Variants in TRPM7 observed in about 807,000 individuals in gnomAD.
The protein encoded by TRPM7 is LTRPC ion channel family member 7.
In TRPM7, 134 loss-of-function variants were observed where a neutral mutation model predicts 229.7. That is an observed-to-expected ratio of 0.58 (90% CI 0.51 to 0.67). The LOEUF (loss-of-function observed/expected upper bound fraction) is 0.67, where lower values mean the gene tolerates loss of function less well. Ranked by LOEUF, TRPM7 falls within the 30% of genes least tolerant of loss-of-function variation. TRPM7 has a pLI of 0.00. For synonymous variants in TRPM7, 699 were observed against 715.2 expected (o/e 0.98, Z 0.36); for missense variants, 1,901 against 2,210.0 (o/e 0.86, Z 2.80).
Position 50,627,535 on chromosome 15 carries a change from G to A in TRPM7, c.1305+614C>T, listed in dbSNP as rs78466861. On this transcript the variant is annotated intron_variant, in intron 11 of 38. Coordinates refer to ENST00000646667, the MANE Select transcript of TRPM7 (RefSeq NM_017672.6). ...ATAAAAAAGAGCAAAGAGGATAGTA[G>A]TAGCATGTAAGGCTCTGGGTTATGC... is the stretch of plus-strand genomic sequence containing the variant. Among the ~76,000 whole-genome samples, 721 of 152,282 alleles carry A rather than the reference G, an allele frequency of 4.7e-3. 5 individuals are homozygous for A. Among genetic ancestry groups the A allele is most frequent in the African/African-American group, 0.017 (697 of 41,556 alleles).
At chr15:50,570,641 G>A (rs1025206140) in intron 36 of TRPM7, among the ~76,000 whole-genome samples, 6 of 143,746 alleles carry the variant, frequency 4.2e-5, no homozygotes, top group African/African-American at 1.3e-4. Context: ...TCAGGAGTTC[G>A]AGACCAGCCT....
intron 20 of TRPM7, 47 bp from the exon 21 acceptor site, chr15:50,605,191 A>G: frequency 7.1e-7 from 1 of 1,409,458 alleles, no homozygotes; most frequent in Non-Finnish European, 9.6e-7. Flanking sequence ...GTTTATTCCT[A>G]TTAAAACACA....
chr15:50,660,483 G>C (rs765853480), intron 2 of TRPM7, among the ~76,000 whole-genome samples: 4 of 151,966 alleles, frequency 2.6e-5, no homozygotes, highest in Non-Finnish European at 5.9e-5. Flanking sequence ...TGAAACCCCT[G>C]TCTCTACTAA....
At chr15:50,581,030 A>G (rs1340480588) in intron 29 of TRPM7, 122 bp from the exon 30 acceptor site, 3 of 788,044 alleles carry the variant, frequency 3.8e-6, no homozygotes, top group Non-Finnish European at 5.8e-6. Flanking sequence ...ACTAACATAC[A>G]GTTCTTGTTT....
intron 29 of TRPM7, among the ~76,000 whole-genome samples, chr15:50,581,139 CACA>C (rs917326497): frequency 2.0e-5 from 3 of 152,012 alleles, no homozygotes; most frequent in African/African-American, 7.2e-5. Flanking sequence ...TGTTATTTCC[CACA>C]ACATTGTCTT....
At chr15:50,614,594 G>A (rs539089045) in intron 13 of TRPM7, among the ~76,000 whole-genome samples, 9 of 151,378 alleles carry the variant, frequency 5.9e-5, no homozygotes, top group Non-Finnish European at 1.2e-4. Flanking sequence ...GAACTTGGGA[G>A]GCGGAAGTTG....
chr15:50,683,032 A>G (rs2140989903), intron 1 of TRPM7, among the ~76,000 whole-genome samples: 1 of 151,896 alleles, frequency 6.6e-6, no homozygotes, highest in East Asian at 1.9e-4. Context: ...ACAGGTGCGC[A>G]TCACCATGCC....
intron 1 of TRPM7, among the ~76,000 whole-genome samples, chr15:50,679,921 ATG>A (rs772583942): frequency 5.9e-5 from 9 of 152,070 alleles, no homozygotes; most frequent in Non-Finnish European, 1.2e-4. Flanking sequence ...GCCCCAGAGT[ATG>A]TGTCTCTGCA....
At position 50,583,257 on chromosome 15, in the gene TRPM7, CATAAG is replaced by C. The variant is rs2054512717; in HGVS notation, c.4487-103_4487-99del. On this transcript the variant is annotated intron_variant, in intron 28 of 38. Coordinates refer to ENST00000646667, the MANE Select transcript of TRPM7 (RefSeq NM_017672.6). Reference sequence around the variant, plus strand: ...AGTATTCTAGGCACAGTATAACCTTCATAAGATAACTCAACCTTTCCTCAACACGC... The same window carrying C: ...AGTATTCTAGGCACAGTATAACCTTCATAACTCAACCTTTCCTCAACACGC... 1.1e-4 allele frequency: 80 copies of C among 708,494 alleles called. No individual in the cohort carries two copies. The South Asian group carries it at 1.5e-3, about 13-fold the overall frequency. The allele number at this position is 708,494 out of a possible 1,614,324, so 43.9% of individuals were successfully genotyped here. A position where few individuals can be genotyped will look rare whatever the true frequency, so the allele number is the denominator to read the frequency against.
chr15:50,662,042 A>G (rs1316837001), intron 2 of TRPM7, among the ~76,000 whole-genome samples: 3 of 151,722 alleles, frequency 2.0e-5, no homozygotes, highest in Non-Finnish European at 4.4e-5. Context: ...ACATAGTAAA[A>G]CCCTGTTTCT....
intron 1 of TRPM7, among the ~76,000 whole-genome samples, chr15:50,673,404 T>G (rs2062031871): frequency 6.6e-6 from 1 of 152,134 alleles, no homozygotes; most frequent in Non-Finnish European, 1.5e-5. Flanking sequence ...TTTGTAGTCT[T>G]TTATCCCTGA....
At chr15:50,652,127 G>C (rs1373065044) in intron 3 of TRPM7, among the ~76,000 whole-genome samples, 1 of 151,474 alleles carries the variant, frequency 6.6e-6, no homozygotes. Context: ...GAGGTCAGGA[G>C]TTCGAGACCA....
intron 13 of TRPM7, among the ~76,000 whole-genome samples, chr15:50,616,603 T>C (rs928253894): frequency 1.3e-5 from 2 of 152,098 alleles, no homozygotes; most frequent in African/African-American, 4.8e-5. Context: ...GGGTAACTTT[T>C]CGAAGTATTA....
At chr15:50,600,185 C>T (rs1321576279) in intron 21 of TRPM7, among the ~76,000 whole-genome samples, 1 of 152,130 alleles carries the variant, frequency 6.6e-6, no homozygotes, top group Admixed American at 6.5e-5. Context: ...GCCTGTAATC[C>T]CAGCACTTCG....
chr15:50,671,775 A>G (rs965283318), intron 1 of TRPM7, among the ~76,000 whole-genome samples: 2 of 151,264 alleles, frequency 1.3e-5, no homozygotes, highest in African/African-American at 4.9e-5. Flanking sequence ...ACGCCACTAC[A>G]CTCCAGCCTG....
At chr15:50,632,758 C>A in intron 9 of TRPM7, 111 bp downstream of exon 9, 1 of 1,046,104 alleles carries the variant, frequency 9.6e-7, no homozygotes, top group Non-Finnish European at 1.3e-6. Context: ...ATAAAGATTT[C>A]AAAGTTTAAA....
chr15:50,657,729 T>C, intron 3 of TRPM7, 52 bp downstream of exon 3: 2 of 1,483,376 alleles, frequency 1.3e-6, no homozygotes, highest in Middle Eastern at 1.7e-4. Flanking sequence ...TTCTAATAGA[T>C]TAGTTTTATT....
intron 17 of TRPM7, 69 bp from the exon 18 acceptor site, chr15:50,610,030 C>A: frequency 8.7e-7 from 1 of 1,143,692 alleles, no homozygotes; most frequent in South Asian, 1.9e-5. Flanking sequence ...AAAAACAAAA[C>A]AAAGAATAAA....
At chr15:50,634,312 A>G in intron 8 of TRPM7, 70 bp downstream of exon 8, 1 of 1,218,390 alleles carries the variant, frequency 8.2e-7, no homozygotes, top group Non-Finnish European at 1.1e-6. Flanking sequence ...GAGACACAGC[A>G]AGACTCCGTA....
Sources: gnomAD v4.1 joint callset for allele counts (sites outside exome capture counted in the v4.1 genomes callset) on GRCh38, gnomAD v4.1.1 for gene constraint, MANE v1.5 for transcripts, NCBI Gene and HGNC (gene_info 2026-07-23, HGNC 2026-07-21) for gene names.